Variants in MACROD2 observed in about 807,000 individuals in gnomAD.
MACROD2 encodes the protein ADP-ribose glycohydrolase MACROD2.
In MACROD2, 36 loss-of-function variants were observed where a neutral mutation model predicts 70.4. The ratio of observed to expected loss-of-function variants is 0.51; its 90% CI spans 0.39 to 0.68. MACROD2 has a LOEUF of 0.68. MACROD2 is among the 30% of genes least tolerant of loss of function. MACROD2 has a pLI of 0.00. For missense variants in MACROD2, 496 were observed against 538.4 expected, an observed-to-expected ratio of 0.92 and a Z score of 0.78; for synonymous variants, 172 against 178.8, an observed-to-expected ratio of 0.96 and a Z score of 0.30.
At chr20:15,453,134 G>A (rs2046666556) in intron 7 of MACROD2, among the ~76,000 whole-genome samples, 1 of 152,088 alleles carries the variant, frequency 6.6e-6, no homozygotes, top group African/African-American at 2.4e-5. Context: ...ACATAATTTG[G>A]TGTTCTTCTG....
chr20:14,402,253 G>C (rs1362105774), intron 3 of MACROD2, among the ~76,000 whole-genome samples: 2 of 152,090 alleles, frequency 1.3e-5, no homozygotes, highest in African/African-American at 2.4e-5. Flanking sequence ...AAACACTTAA[G>C]TTCTGGTTGT....
chr20:15,378,774 A>G (rs1376122824), intron 6 of MACROD2, among the ~76,000 whole-genome samples: 1 of 152,226 alleles, frequency 6.6e-6, no homozygotes, highest in Non-Finnish European at 1.5e-5. Flanking sequence ...ACAGAATAGT[A>G]AAAACATAAG....
chr20:15,260,177 A>G (rs144216913), intron 6 of MACROD2, among the ~76,000 whole-genome samples: 1,945 of 151,874 alleles, frequency 0.013, 25 homozygotes, highest in South Asian at 0.027. Flanking sequence ...AAAGTATACA[A>G]ATAATGATTG....
intron 5 of MACROD2, among the ~76,000 whole-genome samples, chr20:14,841,826 A>G (rs1231839858): frequency 6.6e-6 from 1 of 152,098 alleles, no homozygotes; most frequent in East Asian, 1.9e-4. Flanking sequence ...CCTTGGTATT[A>G]CTTATACTAA....
chr20:15,702,768 A>C (rs999024837), intron 8 of MACROD2, among the ~76,000 whole-genome samples: 2 of 152,230 alleles, frequency 1.3e-5, no homozygotes, highest in Non-Finnish European at 2.9e-5. Flanking sequence ...TTTTCACAGA[A>C]TTAGAAAAAA....
At chr20:15,773,320 T>C (rs1568553169) in intron 8 of MACROD2, among the ~76,000 whole-genome samples, 1 of 152,048 alleles carries the variant, frequency 6.6e-6, no homozygotes, top group Non-Finnish European at 1.5e-5. Flanking sequence ...ATCAGAGAAA[T>C]ATGATGATTC....
At chr20:14,233,718 A>T (rs1256613003) in intron 3 of MACROD2, among the ~76,000 whole-genome samples, 3 of 117,694 alleles carry the variant, frequency 2.5e-5, no homozygotes, top group Non-Finnish European at 5.1e-5. Flanking sequence ...AAAAAAGAAA[A>T]GAAAAGAAAA....
At position 15,051,160 on chromosome 20, in the gene MACROD2, G is replaced by C. The variant is rs184266567; in HGVS notation, c.419-178780G>C. The stretch of plus-strand genomic sequence containing the variant: ...GTAAGTATTAGATTTAATCTGTTTA[G>C]TTAGGGAAAAATTAGTTTGTGACCG... On this transcript the variant is annotated intron_variant, in intron 5 of 17. Coordinates refer to ENST00000684519, the MANE Select transcript of MACROD2 (RefSeq NM_001351661.2). Among the ~76,000 whole-genome samples the C allele has an allele frequency of 5.9e-5, 9 of 152,204 alleles. No individual in the cohort carries two copies. The East Asian group carries it at 1.7e-3, about 29-fold the overall frequency.
At chr20:14,135,357 A>G (rs2054780668) in intron 3 of MACROD2, among the ~76,000 whole-genome samples, 1 of 152,176 alleles carries the variant, frequency 6.6e-6, no homozygotes, top group Admixed American at 6.5e-5. Context: ...AAATTTGAAA[A>G]TCAGTGTAAT....
chr20:15,251,052 G>A (rs1438663293), intron 6 of MACROD2, among the ~76,000 whole-genome samples: 1 of 152,146 alleles, frequency 6.6e-6, no homozygotes, highest in Non-Finnish European at 1.5e-5. Flanking sequence ...TACATTGTGA[G>A]AACAGAAAGG....
intron 9 of MACROD2, among the ~76,000 whole-genome samples, chr20:15,868,602 T>C (rs925041690): frequency 1.9e-5 from 1 of 52,134 alleles, no homozygotes; most frequent in African/African-American, 5.1e-5. Context: ...CTAATACTTT[T>C]CTTTTTTTTT....
In MACROD2 at chr20:14,946,233, G is replaced by A. The variant is rs113553463; in HGVS notation, c.418+261274G>A. On this transcript the variant is annotated intron_variant, in intron 5 of 17. Coordinates refer to ENST00000684519, the MANE Select transcript of MACROD2 (RefSeq NM_001351661.2). ...AAAAATTGTATAAACTGGAAACTCA[G>A]TGAATGTTGTGGAATAAATGCAAAT... Among the ~76,000 whole-genome samples the A allele has an allele frequency of 2.6e-3, 401 of 152,082 alleles. 2 individuals carry two copies. The highest frequency in any genetic ancestry group is 9.4e-3 in the African/African-American group (390 of 41,516).
chr20:15,139,999 C>G (rs967549721), intron 5 of MACROD2, among the ~76,000 whole-genome samples: 4 of 152,170 alleles, frequency 2.6e-5, no homozygotes, highest in African/African-American at 7.2e-5. Context: ...AGGCAGCAAG[C>G]CCAACTGTTT....
Position 15,076,955 on chromosome 20 carries a change from A to G in MACROD2, c.419-152985A>G, listed in dbSNP as rs74992125. ...CCTTATCAAGTCCATAAAATTTGCA[A>G]ATTACTTCATAAAAGTGCTTTATAG... On this transcript the variant is annotated intron_variant, in intron 5 of 17. Coordinates refer to ENST00000684519, the MANE Select transcript of MACROD2 (RefSeq NM_001351661.2). 2.4e-3 allele frequency among the ~76,000 whole-genome samples: 365 copies of G among 152,276 alleles called. 1 individual carries two copies. The highest frequency in any genetic ancestry group is 0.01 in the Admixed American group (159 of 15,292).
chr20:15,646,571 C>T (rs1207560778), intron 8 of MACROD2, among the ~76,000 whole-genome samples: 3 of 152,164 alleles, frequency 2.0e-5, no homozygotes, highest in African/African-American at 7.2e-5. Context: ...CCACCCAAAT[C>T]TCATCTTGAA....
intron 5 of MACROD2, among the ~76,000 whole-genome samples, chr20:14,995,794 G>A (rs375125687): frequency 7.2e-5 from 11 of 152,144 alleles, no homozygotes; most frequent in East Asian, 3.9e-4. Flanking sequence ...AAAATATTAC[G>A]TATCGAAACC....
intron 4 of MACROD2, among the ~76,000 whole-genome samples, chr20:14,532,652 T>A (rs969377726): frequency 2.0e-5 from 3 of 152,166 alleles, no homozygotes; most frequent in Non-Finnish European, 4.4e-5. Context: ...TTCTCCCCCC[T>A]CTTGGTTAAG....
intron 6 of MACROD2, among the ~76,000 whole-genome samples, chr20:15,327,072 A>G (rs2077938137): frequency 6.6e-6 from 1 of 152,200 alleles, no homozygotes; most frequent in Admixed American, 6.6e-5. Context: ...AAGCCTTCAT[A>G]AGGAAATGAA....
In MACROD2 at chr20:14,222,191, TA is replaced by T. The variant is rs1432284940; in HGVS notation, c.271+136464del. Among the ~76,000 whole-genome samples the T allele has an allele frequency of 3.6e-5, 4 of 109,876 alleles. No homozygotes were observed. In the East Asian group the frequency reaches 1.4e-3, roughly 38 times the overall value. The allele number at this position is 109,876 out of a possible 152,430, so 72.1% of individuals were successfully genotyped here. On this transcript the variant is annotated intron_variant, in intron 3 of 17. Transcript: ENST00000684519. ...AAAAAGATACCTGCATTTTTATACT[TA>T]TCACAGCACAATATTCACAATAGCA...
Sources: allele counts gnomAD v4.1 joint callset (sites outside exome capture counted in the v4.1 genomes callset), GRCh38; gene constraint gnomAD v4.1.1; transcripts MANE v1.5; gene names NCBI Gene and HGNC (gene_info 2026-07-23, HGNC 2026-07-21).